BCKDHB: variants seen among roughly 807,000 people sequenced by gnomAD.
The protein encoded by BCKDHB is branched chain keto acid dehydrogenase E1 subunit beta, also known as 2-oxoisovalerate dehydrogenase subunit beta, mitochondrial.
Under a neutral mutation model 48.5 loss-of-function variants are expected in BCKDHB, and 41 were observed. The ratio of observed to expected loss-of-function variants is 0.85; its 90% CI spans 0.66 to 1.10. The LOEUF (loss-of-function observed/expected upper bound fraction) is 1.10. Ranked by LOEUF, BCKDHB falls within the 50% of genes least tolerant of loss-of-function variation. BCKDHB has a pLI of 0.00. For synonymous variants in BCKDHB, 201 were observed against 174.8 expected, an observed-to-expected ratio of 1.15 and a Z score of -1.18; for missense variants, 496 against 494.2, an observed-to-expected ratio of 1.00 and a Z score of -0.03.
intron 8 of BCKDHB, among the ~76,000 whole-genome samples, chr6:80,224,527 G>A (rs992989304): frequency 2.0e-5 from 3 of 151,902 alleles, no homozygotes; most frequent in African/African-American, 4.8e-5. Context: ...TGAGTAGCTG[G>A]TACTATAGGT....
chr6:80,283,762 G>A (rs778287431), intron 9 of BCKDHB, among the ~76,000 whole-genome samples: 1 of 151,842 alleles, frequency 6.6e-6, no homozygotes, highest in Non-Finnish European at 1.5e-5. Flanking sequence ...TTCTTATTTG[G>A]TATGAAATGA....
downstream of BCKDHB, among the ~76,000 whole-genome samples, chr6:80,347,480 G>A (rs1770265213): frequency 6.6e-6 from 1 of 152,192 alleles, no homozygotes; most frequent in Non-Finnish European, 1.5e-5. Context: ...ATGTGCGGTG[G>A]TCTGCCACCT....
At chr6:80,303,982 A>C (rs866039043) in intron 9 of BCKDHB, among the ~76,000 whole-genome samples, 20 of 152,100 alleles carry the variant, frequency 1.3e-4, no homozygotes, top group Admixed American at 3.9e-4. Context: ...ATGAAAGATT[A>C]TTTTATGTGA....
chr6:80,219,835 T>A (rs1308655144), intron 8 of BCKDHB, among the ~76,000 whole-genome samples: 1 of 151,964 alleles, frequency 6.6e-6, no homozygotes, highest in Non-Finnish European at 1.5e-5. Flanking sequence ...TTGAAGATAA[T>A]GCTTCATTAT....
intron 8 of BCKDHB, among the ~76,000 whole-genome samples, chr6:80,236,578 A>G (rs1426989406): frequency 6.6e-6 from 1 of 152,250 alleles, no homozygotes. Context: ...TGTTTAACAT[A>G]TATTTACTCA....
At chr6:80,180,397 G>A (rs776871946) in intron 6 of BCKDHB, among the ~76,000 whole-genome samples, 6 of 152,142 alleles carry the variant, frequency 3.9e-5, no homozygotes, top group Admixed American at 6.5e-5. Flanking sequence ...GTACAAAATA[G>A]TGATGATTCA....
intron 9 of BCKDHB, among the ~76,000 whole-genome samples, chr6:80,333,315 A>G (rs1769413803): frequency 6.6e-6 from 1 of 152,290 alleles, no homozygotes; most frequent in East Asian, 1.9e-4. Context: ...TGTCTTTACT[A>G]CTACATAAAG....
intron 3 of BCKDHB, among the ~76,000 whole-genome samples, chr6:80,131,454 A>C (rs1440719309): frequency 6.6e-6 from 1 of 152,058 alleles, no homozygotes; most frequent in East Asian, 1.9e-4. Flanking sequence ...AATTATATCT[A>C]ATCTGGCCCC....
At chr6:80,377,922 A>G in the BCKDHB span, among the ~76,000 whole-genome samples, 1 of 152,200 alleles carries the variant, frequency 6.6e-6, no homozygotes, top group Non-Finnish European at 1.5e-5. Flanking sequence ...AAGTACTCCC[A>G]TCATTACAAT....
At chr6:80,418,303 T>C in the BCKDHB span, among the ~76,000 whole-genome samples, 2 of 152,234 alleles carry the variant, frequency 1.3e-5, no homozygotes, top group African/African-American at 4.8e-5. Flanking sequence ...CAGCTATTTC[T>C]GCCTGGTTCA....
At chr6:80,184,749 G>A (rs926236873) in intron 6 of BCKDHB, among the ~76,000 whole-genome samples, 2 of 152,124 alleles carry the variant, frequency 1.3e-5, no homozygotes, top group African/African-American at 4.8e-5. Flanking sequence ...ATTTAAGGAG[G>A]CTAAAGATAG....
At chr6:80,198,788 G>A (rs752987981) in intron 6 of BCKDHB, among the ~76,000 whole-genome samples, 20 of 152,126 alleles carry the variant, frequency 1.3e-4, no homozygotes, top group South Asian at 4.1e-4. Context: ...TATGGAATCA[G>A]TTCTTAGTTT....
At chr6:80,369,415 A>G in the BCKDHB span, among the ~76,000 whole-genome samples, 187 of 152,298 alleles carry the variant, frequency 1.2e-3, no homozygotes, top group African/African-American at 4.4e-3. Context: ...TATTAAAAAC[A>G]ACATCAATAA....
At chr6:80,191,602 C>T (rs1006025514) in intron 6 of BCKDHB, among the ~76,000 whole-genome samples, 8 of 152,148 alleles carry the variant, frequency 5.3e-5, no homozygotes, top group Non-Finnish European at 8.8e-5. Flanking sequence ...GACTTAAAAA[C>T]AGTAGCATGT....
chr6:80,413,281 G>A, the BCKDHB span, among the ~76,000 whole-genome samples: 1 of 152,076 alleles, frequency 6.6e-6, no homozygotes, highest in Non-Finnish European at 1.5e-5. Flanking sequence ...CCGTAAGTAT[G>A]TATTCCACTC....
rs185720770 is a variant in BCKDHB, at chr6:80,185,086, G to C, written c.742+13696G>C. On this transcript the variant is annotated intron_variant, in intron 6 of 9. Coordinates refer to ENST00000320393, the MANE Select transcript of BCKDHB (RefSeq NM_183050.4). ...AGGAACACCAATTATTCTTAGGTTT[G>C]GTCGTTTAACATAATCCCAAATTTC... Among the ~76,000 whole-genome samples the C allele has an allele frequency of 8.0e-4, 121 of 152,166 alleles. No individual in the cohort carries two copies. The South Asian group carries it at 0.014, about 18-fold the overall frequency.
At chr6:80,179,230 A>G (rs1319408598) in intron 6 of BCKDHB, among the ~76,000 whole-genome samples, 1 of 152,002 alleles carries the variant, frequency 6.6e-6, no homozygotes, top group Non-Finnish European at 1.5e-5. Flanking sequence ...TGAGAAACTC[A>G]ATTTTTGAGT....
intron 8 of BCKDHB, among the ~76,000 whole-genome samples, chr6:80,219,179 C>G (rs1193958164): frequency 6.6e-6 from 1 of 151,154 alleles, no homozygotes; most frequent in African/African-American, 2.4e-5. Context: ...GAAGATCACT[C>G]ATATTCTTTT....
intron 8 of BCKDHB, among the ~76,000 whole-genome samples, chr6:80,224,342 C>T (rs1041706797): frequency 6.6e-6 from 1 of 151,986 alleles, no homozygotes; most frequent in African/African-American, 2.4e-5. Context: ...TTGATGTTTA[C>T]CACAGACATA....
Sources: allele counts gnomAD v4.1 joint callset (sites outside exome capture counted in the v4.1 genomes callset), GRCh38; gene constraint gnomAD v4.1.1; transcripts MANE v1.5; gene names NCBI Gene and HGNC (gene_info 2026-07-23, HGNC 2026-07-21).